STRADB: variants seen among roughly 807,000 people sequenced by gnomAD.
STRADB encodes the protein STE20-related kinase adapter protein beta.
A neutral mutation model predicts 52.1 loss-of-function variants in STRADB; 34 were observed. That is an observed-to-expected ratio of 0.65 (90% CI 0.50 to 0.87). The LOEUF (loss-of-function observed/expected upper bound fraction) is 0.87. STRADB is among the 40% of genes least tolerant of loss of function. STRADB has a pLI of 0.00. For synonymous variants in STRADB, 133 were observed against 174.5 expected, an observed-to-expected ratio of 0.76 and a Z score of 1.87; for missense variants, 340 against 483.9, an observed-to-expected ratio of 0.70 and a Z score of 2.79.
chr2:201,470,384 A>G (rs969158762), intron 4 of STRADB, among the ~76,000 whole-genome samples: 2 of 148,592 alleles, frequency 1.3e-5, no homozygotes, highest in African/African-American at 5.3e-5. Context: ...CAAGTCATCT[A>G]AATCTTTTCA....
At chr2:201,474,548 A>G (rs1952442185) in intron 5 of STRADB, 99 bp from the exon 6 acceptor site, 1 of 909,800 alleles carries the variant, frequency 1.1e-6, no homozygotes, top group Non-Finnish European at 1.7e-6. Flanking sequence ...TGCTTTCACT[A>G]ATAAGCACCC....
At chr2:201,469,399 G>A (rs1178581003) in intron 3 of STRADB, among the ~76,000 whole-genome samples, 1 of 152,190 alleles carries the variant, frequency 6.6e-6, no homozygotes, top group East Asian at 1.9e-4. Flanking sequence ...CCTCCTATCA[G>A]TACTTGGTCA....
chr2:201,471,181 G>A (rs892212778), intron 4 of STRADB, among the ~76,000 whole-genome samples: 1 of 152,208 alleles, frequency 6.6e-6, no homozygotes, highest in Non-Finnish European at 1.5e-5. Flanking sequence ...AGTTTCAAAT[G>A]GTGCCAATTC....
intron 11 of STRADB, among the ~76,000 whole-genome samples, chr2:201,479,757 C>T (rs1200418078): frequency 6.6e-6 from 1 of 152,120 alleles, no homozygotes; most frequent in African/African-American, 2.4e-5. Context: ...ACTATCATCA[C>T]ATTACTGATG....
chr2:201,458,705 G>T (rs765472760), intron 2 of STRADB, 79 bp from the exon 3 acceptor site: 11 of 1,292,708 alleles, frequency 8.5e-6, no homozygotes, highest in Non-Finnish European at 1.2e-5. Flanking sequence ...GTAGTCATTA[G>T]ACCTTTTTGT....
chr2:201,464,914 G>T (rs1952275016), intron 3 of STRADB, among the ~76,000 whole-genome samples: 2 of 152,206 alleles, frequency 1.3e-5, no homozygotes, highest in Admixed American at 6.5e-5. Context: ...GCTATTGCCA[G>T]TGTTCACTTG....
At chr2:201,478,708 T>C in intron 10 of STRADB, 107 bp downstream of exon 10, 2 of 1,259,328 alleles carry the variant, frequency 1.6e-6, no homozygotes, top group Non-Finnish European at 1.1e-6. Context: ...GATCAAAATA[T>C]TGTCTGCTCT....
chr2:201,460,197 C>G (rs1430825289), intron 3 of STRADB, among the ~76,000 whole-genome samples: 1 of 151,908 alleles, frequency 6.6e-6, no homozygotes, highest in Non-Finnish European at 1.5e-5. Flanking sequence ...CTTCTGGTTA[C>G]CTGTCTCTTC....
intron 3 of STRADB, among the ~76,000 whole-genome samples, chr2:201,465,246 C>T (rs1952282417): frequency 6.6e-6 from 1 of 152,222 alleles, no homozygotes. Context: ...CACCCAAGGC[C>T]CACAGCAGGT....
intron 3 of STRADB, chr2:201,460,709 G>T: frequency 9.3e-6 from 2 of 215,098 alleles, no homozygotes; most frequent in South Asian, 5.7e-5. Flanking sequence ...TCTTTTTTGT[G>T]GCTAAATAGT....
At chr2:201,472,905 AG>A in intron 4 of STRADB, 49 bp from the exon 5 acceptor site, 1 of 1,527,252 alleles carries the variant, frequency 6.5e-7, no homozygotes, top group Admixed American at 2.2e-5. Flanking sequence ...CTAAATTGTC[AG>A]TTTTTTTTCT....
chr2:201,454,529 T>C (rs553767599), intron 1 of STRADB, among the ~76,000 whole-genome samples: 8 of 152,354 alleles, frequency 5.3e-5, no homozygotes, highest in African/African-American at 1.9e-4. Context: ...GTTTTCACTC[T>C]GCTTCTTGGT....
At position 201,458,854 on chromosome 2, in the gene STRADB, A is replaced by G. The variant is rs902845143; in HGVS notation, c.83A>G (p.His28Arg). Residue 28 changes from histidine to arginine, a missense_variant, in exon 3 of 12, where the codon CAT (histidine) becomes CGT (arginine). Coordinates refer to ENST00000194530, the MANE Select transcript of STRADB (RefSeq NM_018571.6). ...GAAAAACAGTCTGAAACCAGTATCC[A>G]TCAATACTTGGTAAGAAAATGGTTA... ...RPEKQSETSI[H>R]QYLVDEPTLS... 1.9e-6 allele frequency: 3 copies of G among 1,613,504 alleles called. No individual in the cohort carries two copies. Among genetic ancestry groups the G allele is most frequent in the Non-Finnish European group, 2.5e-6 (3 of 1,179,754 alleles).
intron 3 of STRADB, among the ~76,000 whole-genome samples, chr2:201,463,661 C>G (rs1268196640): frequency 6.6e-6 from 1 of 152,112 alleles, no homozygotes; most frequent in Non-Finnish European, 1.5e-5. Context: ...GTGTTATTAT[C>G]CCTTTGAATA....
At chr2:201,454,047 G>A (rs535558054) in intron 1 of STRADB, among the ~76,000 whole-genome samples, 3 of 152,264 alleles carry the variant, frequency 2.0e-5, no homozygotes, top group East Asian at 1.9e-4. Flanking sequence ...CAAATTTGGG[G>A]AGTTGAAATA....
chr2:201,478,271 T>A, intron 9 of STRADB, 80 bp downstream of exon 9: 1 of 1,589,632 alleles, frequency 6.3e-7, no homozygotes, highest in Non-Finnish European at 8.6e-7. Context: ...TAAACATGTT[T>A]GCTATAGACT....
At chr2:201,478,920 A>T (rs764734804) in intron 10 of STRADB, among the ~76,000 whole-genome samples, 4 of 152,028 alleles carry the variant, frequency 2.6e-5, no homozygotes, top group Non-Finnish European at 5.9e-5. Context: ...CTAAAAATAC[A>T]AAAATTAGCC....
intron 2 of STRADB, among the ~76,000 whole-genome samples, chr2:201,457,206 T>G (rs1329312102): frequency 6.6e-6 from 1 of 152,222 alleles, no homozygotes; most frequent in Non-Finnish European, 1.5e-5. Context: ...TTAATTCTTC[T>G]TTTGCACAGT....
rs185890499 is a variant in STRADB at position 201,460,317 on chromosome 2, T to C, written c.93+1453T>C. ...GATATTTTGATACAGACATATGATA[T>C]GTAATAATTACTAAATGGGTAAATG... On this transcript the variant is annotated intron_variant, in intron 3 of 11. Transcript: ENST00000194530. Among the ~76,000 whole-genome samples, 3 of 152,336 alleles carry C rather than the reference T, an allele frequency of 2.0e-5. No individual in the cohort carries two copies. The East Asian group carries it at 5.8e-4, about 29-fold the overall frequency.
Sources: gnomAD v4.1 joint callset for allele counts (sites outside exome capture counted in the v4.1 genomes callset) on GRCh38, gnomAD v4.1.1 for gene constraint, MANE v1.5 for transcripts, NCBI Gene and HGNC (gene_info 2026-07-23, HGNC 2026-07-21) for gene names.